The following EHD3 variants were observed in gnomAD, a reference collection of about 807,000 sequenced individuals.
EHD3 encodes the protein EH domain containing 3, also known as EH domain-containing protein 3.
In EHD3, 17 loss-of-function variants were observed where a neutral mutation model predicts 43.0. The observed-to-expected ratio is 0.40, with a 90% CI of 0.27 to 0.59. EHD3 has a LOEUF of 0.59. Ranked by LOEUF, EHD3 falls within the 20% of genes least tolerant of loss-of-function variation. The pLI is 0.49. For missense variants in EHD3, 594 were observed against 705.6 expected, an observed-to-expected ratio of 0.84 and a Z score of 1.79; for synonymous variants, 313 against 289.5, an observed-to-expected ratio of 1.08 and a Z score of -0.82.
At position 31,266,791 on chromosome 2, in the gene EHD3, C is replaced by CACAA; in HGVS notation, c.*91_*94dup. Reference sequence around the variant, plus strand: ...ACACACACACACACACACACACACACACAAACATGCACACACACATATGCA... The same window carrying CACAA: ...ACACACACACACACACACACACACACACAAACAAACATGCACACACACATATGCA... On this transcript the variant is annotated 3_prime_UTR_variant, in exon 6 of 6. Transcript: ENST00000322054. This position sits in a 1 kb window ranked among gnomAD's most constrained non-coding sequence, Gnocchi z 5.1. The CACAA allele has an allele frequency of 7.7e-7, 1 of 1,304,786 alleles. No individual in the cohort carries two copies. The highest frequency in any genetic ancestry group is 1.0e-6 in the Non-Finnish European group (1 of 961,362). The allele number at this position is 1,304,786 out of a possible 1,614,324, so 80.8% of individuals were successfully genotyped here.
At chr2:31,257,639 T>C (rs554193552) in intron 3 of EHD3, among the ~76,000 whole-genome samples, 3 of 152,156 alleles carry the variant, frequency 2.0e-5, no homozygotes, top group African/African-American at 7.2e-5. Context: ...CATGAGATAA[T>C]GACATGAACA....
In EHD3 at chr2:31,244,336, T is replaced by C; in HGVS notation, c.290T>C (p.Phe97Ser). The change falls in exon 2 of 6, where the codon TTC becomes TCC. Residue 97 changes from phenylalanine to serine, a missense_variant. Transcript: ENST00000322054. ...GGGCCTGAGCCCACCACAGACTCCT[T>C]CATTGCGGTGATGCAGGGAGACATG... ...RIGPEPTTDSFIAVMQGDMEG... is the reference protein window; with the variant it reads ...RIGPEPTTDSSIAVMQGDMEG... 6.2e-7 allele frequency: 1 copy of C among 1,614,218 alleles called. No individual in the cohort carries two copies. The highest frequency in any genetic ancestry group is 8.5e-7 in the Non-Finnish European group (1 of 1,180,042).
At chr2:31,235,649 T>A (rs1280623778) in intron 1 of EHD3, among the ~76,000 whole-genome samples, 1 of 152,206 alleles carries the variant, frequency 6.6e-6, no homozygotes, top group Non-Finnish European at 1.5e-5. Context: ...AAGTCCTAGA[T>A]GCATGTGAGG....
intron 3 of EHD3, among the ~76,000 whole-genome samples, chr2:31,250,631 TG>T (rs1382385989): frequency 6.6e-6 from 1 of 152,228 alleles, no homozygotes; most frequent in Non-Finnish European, 1.5e-5. Context: ...ACAACTGCTC[TG>T]GGCCCCCACC....
In EHD3 at chr2:31,268,338, A is replaced by G. The variant is rs553733464; in HGVS notation, c.*1634A>G. 1 of 152,828 alleles carries G rather than the reference A, an allele frequency of 6.5e-6. No individual in the cohort carries two copies. Among genetic ancestry groups the G allele is most frequent in the South Asian group, 2.1e-4 (1 of 4,830 alleles). The allele number at this position is 152,828 out of a possible 1,614,324, so 9.5% of individuals were successfully genotyped here. A position where few individuals can be genotyped will look rare whatever the true frequency, so the allele number is the denominator to read the frequency against. On this transcript the variant is annotated 3_prime_UTR_variant, in exon 6 of 6. Coordinates refer to ENST00000322054, the MANE Select transcript of EHD3 (RefSeq NM_014600.3). ...TCTATGCATCTATGACGTGCTTACT[A>G]CTGCAGTGCATTTGTCATTAGTCTT...
rs1157212613 is a variant in EHD3 at position 31,244,534 on chromosome 2, T to G, written c.404+84T>G. On this transcript the variant is annotated intron_variant, in intron 2 of 5. Coordinates refer to ENST00000322054, the MANE Select transcript of EHD3 (RefSeq NM_014600.3). ...GAGTGAAAGAACAGTAGGCAGGGTC[T>G]TGGGATGCTTGGTGCCTAGAGTCTC... 1.0e-5 allele frequency: 15 copies of G among 1,434,468 alleles called. No homozygotes were observed. The African/African-American group carries it at 2.1e-4, about 20-fold the overall frequency. 88.9% of individuals were successfully genotyped at this position (1,434,468 alleles called of 1,614,324 possible).
intron 5 of EHD3, 31 bp downstream of exon 5, chr2:31,261,744 G>C (rs777635105): frequency 6.2e-7 from 1 of 1,609,888 alleles, no homozygotes. Context: ...TAAGACAAGG[G>C]ACAGTGTCCC....
In EHD3 at chr2:31,239,967, C is replaced by A. The variant is rs554636585; in HGVS notation, c.228-4307C>A. Among the ~76,000 whole-genome samples, 8 of 152,278 alleles carry A rather than the reference C, an allele frequency of 5.3e-5. No homozygotes were observed. In the South Asian group the frequency reaches 1.4e-3, roughly 28 times the overall value. On this transcript the variant is annotated intron_variant, in intron 1 of 5. Coordinates refer to ENST00000322054, the MANE Select transcript of EHD3 (RefSeq NM_014600.3). ...GCTCTGGGGACGGTGCCGGGTAGTG[C>A]CCTGGGCGGGCTGGCCTGTCGCAAG...
At chr2:31,261,818 C>T (rs112391077) in intron 5 of EHD3, 105 bp downstream of exon 5, 40 of 1,373,132 alleles carry the variant, frequency 2.9e-5, no homozygotes, top group African/African-American at 2.7e-4. Context: ...GGGAGAACCC[C>T]GCCCAGAATC....
chr2:31,245,553 A>ATTTTTTT (rs1227122252), intron 2 of EHD3, among the ~76,000 whole-genome samples: 4 of 35,072 alleles, frequency 1.1e-4, no homozygotes, highest in African/African-American at 1.8e-4. Context: ...ATATATATAT[A>ATTTTTTT]TTTTTTTTTT....
chr2:31,258,307 C>T (rs138210216), intron 3 of EHD3, among the ~76,000 whole-genome samples: 2 of 152,130 alleles, frequency 1.3e-5, no homozygotes, highest in African/African-American at 2.4e-5. Context: ...CAAGTTTTCC[C>T]GACCGTCTGA....
rs1363852777 is a variant in EHD3, at chr2:31,266,221, G to A, written c.1125G>A (p.Lys375=). 1 of 1,613,784 alleles carries A rather than the reference G, an allele frequency of 6.2e-7. No homozygotes were observed. The highest frequency in any genetic ancestry group is 1.7e-5 in the Admixed American group (1 of 60,016). Residue 375 remains lysine (K), a synonymous_variant, in exon 6 of 6, where the codon AAG becomes AAA. Transcript: ENST00000322054. The surrounding 1 kb of genome is among the most constrained non-coding windows in gnomAD (Gnocchi z 5.1). The stretch of plus-strand genomic sequence containing the variant: ...ACTTTAGCAAGTTCCAGCCGCTGAA[G>A]AGCAAGCTGCTGGAGGTAGTGGACG... ...AQDFSKFQPL[K]SKLLEVVDDM...
Position 31,260,557 on chromosome 2 carries a change from C to T in EHD3, c.550C>T (p.Arg184Cys), listed in dbSNP as rs778088572. 8.1e-6 allele frequency: 13 copies of T among 1,613,120 alleles called. No individual in the cohort carries two copies. In the East Asian group the frequency reaches 8.9e-5, roughly 11 times the overall value. The change falls in exon 4 of 6, where the codon CGC becomes TGC. Residue 184 changes from arginine to cysteine, a missense_variant. By Grantham distance (180) the Arg-to-Cys change is radical. Around this residue, in one of 3 missense-constraint regions of EHD3, gnomAD observed 243 missense variants for 296.7 expected, o/e 0.82. Coordinates refer to ENST00000322054, the MANE Select transcript of EHD3 (RefSeq NM_014600.3). The surrounding 1 kb of genome is among the most constrained non-coding windows in gnomAD (Gnocchi z 4.6). Reference sequence around the variant, plus strand: ...TGAGTGGTTTGCCGAGCGGGTTGACCGCATCATTCTGCTCTTCGATGCCCA... The same window carrying T: ...TGAGTGGTTTGCCGAGCGGGTTGACTGCATCATTCTGCTCTTCGATGCCCA... ...VLEWFAERVDRIILLFDAHKL... is the reference protein window; with the variant it reads ...VLEWFAERVDCIILLFDAHKL...
intron 1 of EHD3, among the ~76,000 whole-genome samples, chr2:31,238,031 C>T (rs1683354362): frequency 2.6e-5 from 4 of 151,394 alleles, no homozygotes; most frequent in Admixed American, 2.6e-4. Flanking sequence ...TTTGAGATTC[C>T]CAGAAGTGGA....
At chr2:31,248,140 G>T (rs982783901) in intron 2 of EHD3, among the ~76,000 whole-genome samples, 1 of 152,216 alleles carries the variant, frequency 6.6e-6, no homozygotes. Context: ...ACAAGGTGCT[G>T]CACCTTAGAT....
chr2:31,253,082 T>C (rs1306775954), intron 3 of EHD3, among the ~76,000 whole-genome samples: 2 of 151,886 alleles, frequency 1.3e-5, no homozygotes, highest in African/African-American at 4.8e-5. Flanking sequence ...CAATTGGCCT[T>C]AGAACACATA....
intron 3 of EHD3, 26 bp downstream of exon 3, chr2:31,249,494 G>A: frequency 6.2e-7 from 1 of 1,606,906 alleles, no homozygotes; most frequent in South Asian, 1.1e-5. Flanking sequence ...GAGGGGTGTT[G>A]GCTGTGGGCT....
chr2:31,256,411 G>A (rs369460758), intron 3 of EHD3, among the ~76,000 whole-genome samples: 6 of 152,156 alleles, frequency 3.9e-5, no homozygotes, highest in Non-Finnish European at 8.8e-5. Flanking sequence ...GATGCCAAAC[G>A]TGGAACAGGT....
Position 31,249,351 on chromosome 2 carries a change from G to A in EHD3, c.405-20G>A, listed in dbSNP as rs1407172646. 4 of 1,613,030 alleles carry A rather than the reference G, an allele frequency of 2.5e-6. No homozygotes were observed. The highest frequency in any genetic ancestry group is 3.4e-6 in the Non-Finnish European group (4 of 1,179,090). ...TGAAAGGTGGGCGAGTACTCACCCA[G>A]GTTACCTCTGCCCATGCAGGTTCGT... On this transcript the variant is annotated intron_variant, in intron 2 of 5. Transcript: ENST00000322054.
Sources: allele counts gnomAD v4.1 joint callset (sites outside exome capture counted in the v4.1 genomes callset), GRCh38; gene constraint gnomAD v4.1.1; regional missense constraint gnomAD v4.1.1; non-coding constraint Gnocchi (gnomAD v3.1); transcripts MANE v1.5; gene names NCBI Gene and HGNC (gene_info 2026-07-23, HGNC 2026-07-21).